Variants in RILPL2 observed in about 807,000 individuals in gnomAD.
The protein encoded by RILPL2 is Rab interacting lysosomal protein like 2.
RILPL2 carries 19 observed loss-of-function variants against 22.2 expected under a neutral mutation model. That is an observed-to-expected ratio of 0.86 (90% CI 0.60 to 1.25). The LOEUF (loss-of-function observed/expected upper bound fraction) is 1.25. RILPL2 is among the 50% of genes most tolerant of loss of function. The probability of loss-of-function intolerance (pLI) is 0.00; values close to 1 mark genes in which losing one functional copy is unlikely to be tolerated. For synonymous variants in RILPL2, 123 were observed against 111.6 expected (o/e 1.10, Z -0.64); for missense variants, 243 against 263.6 (o/e 0.92, Z 0.54).
At chr12:123,427,376 G>C (rs1331171316) in intron 2 of RILPL2, among the ~76,000 whole-genome samples, 4 of 152,034 alleles carry the variant, frequency 2.6e-5, no homozygotes, top group African/African-American at 9.7e-5. Flanking sequence ...CTTCCACCCT[G>C]TTCTCACAGT....
At chr12:123,411,102 G>A (rs1294712080), downstream of RILPL2, 1 of 151,814 alleles carries the variant, frequency 6.6e-6, no homozygotes, top group East Asian at 1.9e-4. Flanking sequence ...GAGTGCAGTG[G>A]TGCAATCTCA....
intron 3 of RILPL2, among the ~76,000 whole-genome samples, chr12:123,420,121 T>C (rs1879238597): frequency 6.7e-6 from 1 of 148,166 alleles, no homozygotes; most frequent in East Asian, 2.1e-4. Flanking sequence ...GCCTCCTGGG[T>C]TCATGCCATT....
chr12:123,420,145 C>T (rs1466992226), intron 3 of RILPL2, among the ~76,000 whole-genome samples: 1 of 151,768 alleles, frequency 6.6e-6, no homozygotes, highest in Non-Finnish European at 1.5e-5. Context: ...CTGCCTCAGC[C>T]TCCTGAGTAG....
chr12:123,424,513 C>G (rs1446642783), intron 2 of RILPL2, among the ~76,000 whole-genome samples: 1 of 151,732 alleles, frequency 6.6e-6, no homozygotes, highest in African/African-American at 2.4e-5. Context: ...GTATTTTTAG[C>G]AGAGACAGGG....
chr12:123,430,394 G>A, intron 2 of RILPL2, 114 bp downstream of exon 2: 9 of 1,096,704 alleles, frequency 8.2e-6, no homozygotes, highest in Non-Finnish European at 1.1e-5. Context: ...GGGCGACAGA[G>A]CGAGACTCTG....
chr12:123,425,977 TA>T lies in RILPL2; in HGVS notation c.492-2821del, dbSNP rs550758645. Among the ~76,000 whole-genome samples, 536 of 152,090 alleles carry T rather than the reference TA, an allele frequency of 3.5e-3. 4 individuals carry two copies. Among genetic ancestry groups the T allele is most frequent in the African/African-American group, 0.012 (512 of 41,518 alleles). On this transcript the variant is annotated intron_variant, in intron 2 of 3. Coordinates refer to ENST00000280571, the MANE Select transcript of RILPL2 (RefSeq NM_145058.3). ...ATTTCTTAATATTGTTATCAATAAT[TA>T]AAAAAAATTTTTTTGAGACAGGGTC...
At chr12:123,430,357 C>T (rs570051171) in intron 2 of RILPL2, 151 bp downstream of exon 2, 28 of 578,452 alleles carry the variant, frequency 4.8e-5, no homozygotes, top group Middle Eastern at 6.7e-4. Flanking sequence ...TGCAGTGAGC[C>T]GAGATCGCGC....
At chr12:123,435,684 A>G (rs1373486506) in intron 1 of RILPL2, among the ~76,000 whole-genome samples, 3 of 152,170 alleles carry the variant, frequency 2.0e-5, no homozygotes, top group African/African-American at 4.8e-5. Context: ...GGCTGTAGTG[A>G]GCCGTGTTTG....
chr12:123,434,956 C>T (rs1159325888), intron 1 of RILPL2, among the ~76,000 whole-genome samples: 1 of 151,126 alleles, frequency 6.6e-6, no homozygotes, highest in Non-Finnish European at 1.5e-5. Flanking sequence ...GGGTGGGTCA[C>T]TTGAGGCCAG....
At chr12:123,413,099 G>A (rs1417786050), downstream of RILPL2, 4 of 153,150 alleles carry the variant, frequency 2.6e-5, no homozygotes, top group African/African-American at 9.6e-5. Context: ...GGGAGGCTGA[G>A]GCAGGAGCAT....
At chr12:123,429,631 C>T (rs1010983797) in intron 2 of RILPL2, among the ~76,000 whole-genome samples, 1 of 147,766 alleles carries the variant, frequency 6.8e-6, no homozygotes, top group Non-Finnish European at 1.5e-5. Context: ...TTTTGAGACA[C>T]AGTCTTGCTC....
the RILPL2 span, among the ~76,000 whole-genome samples, chr12:123,409,714 CTTTTTTT>C: frequency 2.2e-5 from 2 of 90,586 alleles, no homozygotes; most frequent in African/African-American, 5.5e-5. Flanking sequence ...CACACCTGGC[CTTTTTTT>C]TTTTTTTTTT....
intron 2 of RILPL2, among the ~76,000 whole-genome samples, chr12:123,427,808 G>C (rs1336365895): frequency 1.3e-5 from 2 of 152,106 alleles, no homozygotes; most frequent in Non-Finnish European, 2.9e-5. Context: ...GCCTCCCAAA[G>C]TGCTGGGATT....
intron 3 of RILPL2, among the ~76,000 whole-genome samples, chr12:123,418,418 A>G (rs1201319150): frequency 1.3e-5 from 2 of 152,098 alleles, no homozygotes; most frequent in Non-Finnish European, 2.9e-5. Flanking sequence ...CTTATTTGTG[A>G]TCATAGCACA....
rs1256586308 is a variant in RILPL2 at position 123,415,131 on chromosome 12, C to G, written c.*760G>C. On this transcript the variant is annotated 3_prime_UTR_variant, in exon 4 of 4. Transcript: ENST00000280571. ...CCTTTGCGAAGTGCAGACACCCGCT[C>G]TCTGTTTCATTGATTCCTAAATGCA... 6.6e-6 allele frequency: 1 copy of G among 152,120 alleles called. No individual in the cohort carries two copies. The highest frequency in any genetic ancestry group is 1.5e-5 in the Non-Finnish European group (1 of 68,044). The allele number at this position is 152,120 out of a possible 1,614,324, so 9.4% of individuals were successfully genotyped here. A position where few individuals can be genotyped will look rare whatever the true frequency, so the allele number is the denominator to read the frequency against.
At chr12:123,435,052 C>T (rs1000058549) in intron 1 of RILPL2, among the ~76,000 whole-genome samples, 3 of 151,576 alleles carry the variant, frequency 2.0e-5, no homozygotes, top group African/African-American at 4.9e-5. Flanking sequence ...TGGTGGCACA[C>T]GCTTGCAATC....
chr12:123,419,355 C>T (rs1879211732), intron 3 of RILPL2, among the ~76,000 whole-genome samples: 1 of 152,112 alleles, frequency 6.6e-6, no homozygotes, highest in South Asian at 2.1e-4. Flanking sequence ...CTGAATTTTA[C>T]ACAAGCACCT....
At chr12:123,417,854 G>A (rs999318520) in intron 3 of RILPL2, among the ~76,000 whole-genome samples, 8 of 152,308 alleles carry the variant, frequency 5.3e-5, no homozygotes, top group Admixed American at 3.9e-4. Flanking sequence ...CAAAGTGCTG[G>A]GATTACAGGC....
chr12:123,434,534 C>T (rs1016741262), intron 1 of RILPL2, among the ~76,000 whole-genome samples: 7 of 151,970 alleles, frequency 4.6e-5, no homozygotes, highest in South Asian at 4.2e-4. Context: ...AGCAATTCTC[C>T]GGCCTCAGCC....
Sources: gnomAD v4.1 joint callset for allele counts (sites outside exome capture counted in the v4.1 genomes callset) on GRCh38, gnomAD v4.1.1 for gene constraint, MANE v1.5 for transcripts, NCBI Gene and HGNC (gene_info 2026-07-23, HGNC 2026-07-21) for gene names.